Variants in PHLPP2 observed in about 807,000 individuals in gnomAD.
The protein encoded by PHLPP2 is PH domain and leucine rich repeat protein phosphatase 2.
PHLPP2 carries 66 observed loss-of-function variants against 124.9 expected under a neutral mutation model. The observed-to-expected ratio is 0.53, with a 90% CI of 0.43 to 0.65. PHLPP2 has a LOEUF of 0.65. Ranked by LOEUF, PHLPP2 falls within the 30% of genes least tolerant of loss-of-function variation. The pLI, the probability that PHLPP2 is intolerant of heterozygous loss-of-function variation, is 0.00. For synonymous variants in PHLPP2, 681 were observed against 624.7 expected (o/e 1.09, Z -1.34); for missense variants, 1,685 against 1,600.4 (o/e 1.05, Z -0.90).
At chr16:71,654,961 C>CAT (rs1021608120) in intron 17 of PHLPP2, 4 of 339,426 alleles carry the variant, frequency 1.2e-5, no homozygotes, top group African/African-American at 6.1e-5. Context: ...TGTACAACCA[C>CAT]ATATATATAC....
intron 3 of PHLPP2, among the ~76,000 whole-genome samples, chr16:71,692,139 G>A (rs970465213): frequency 1.3e-5 from 2 of 151,714 alleles, no homozygotes; most frequent in Non-Finnish European, 2.9e-5. Context: ...GCGCGATCTC[G>A]GCTCACTGCG....
intron 17 of PHLPP2, among the ~76,000 whole-genome samples, chr16:71,654,047 T>G (rs777379416): frequency 1.3e-5 from 2 of 151,696 alleles, no homozygotes; most frequent in Admixed American, 6.6e-5. Context: ...TACAAAAAAT[T>G]AGCCGGGTGA....
At chr16:71,670,100 G>A (rs988485882) in intron 10 of PHLPP2, among the ~76,000 whole-genome samples, 3 of 152,170 alleles carry the variant, frequency 2.0e-5, no homozygotes, top group South Asian at 2.1e-4. Flanking sequence ...TTGTACAAAG[G>A]CCTGAGGTGA....
At position 71,658,726 on chromosome 16, in the gene PHLPP2, CT is replaced by C. The variant is rs2044762692; in HGVS notation, c.2074del (p.Arg692GlyfsTer27). ...TIPTTIANCK[R>X]LHTLVAHSNN... ...GGAGTGTGCAACAAGGGTGTGCAGCCTTTTACAGTTTGCTATGGTTGTGGGA... is the reference window on the plus strand; with the variant it reads ...GGAGTGTGCAACAAGGGTGTGCAGCCTTTACAGTTTGCTATGGTTGTGGGA... On this transcript the variant is annotated frameshift_variant, in exon 14 of 19. Transcript: ENST00000568954. LOFTEE classifies it high-confidence loss of function. 4.3e-6 allele frequency: 7 copies of C among 1,614,136 alleles called. No homozygotes were observed. The highest frequency in any genetic ancestry group is 5.9e-6 in the Non-Finnish European group (7 of 1,180,024).
chr16:71,702,215 C>T (rs1214449380), intron 3 of PHLPP2, among the ~76,000 whole-genome samples: 4 of 152,042 alleles, frequency 2.6e-5, no homozygotes, highest in African/African-American at 4.8e-5. Flanking sequence ...TACTCATCAA[C>T]GTCAAGTCAT....
intron 1 of PHLPP2, among the ~76,000 whole-genome samples, chr16:71,721,738 G>C (rs1342526639): frequency 2.6e-5 from 4 of 151,498 alleles, no homozygotes; most frequent in Non-Finnish European, 5.9e-5. Flanking sequence ...TCTATAAGCT[G>C]AGTAAAAAAG....
chr16:71,703,090 C>T (rs1413035163), intron 2 of PHLPP2, among the ~76,000 whole-genome samples: 1 of 152,174 alleles, frequency 6.6e-6, no homozygotes, highest in African/African-American at 2.4e-5. Context: ...CCAGGTCCAT[C>T]CATGTTGCTA....
chr16:71,697,196 AAATAAATAAATAAATAAAT>A (rs993305454), intron 3 of PHLPP2, among the ~76,000 whole-genome samples: 7 of 40,748 alleles, frequency 1.7e-4, no homozygotes, highest in African/African-American at 3.6e-4. Context: ...ATAAATAAAT[AAATAAATAAATAAATAAAT>A]AAAAAGAAAC....
At chr16:71,697,630 C>G (rs2045186305) in intron 3 of PHLPP2, among the ~76,000 whole-genome samples, 1 of 152,158 alleles carries the variant, frequency 6.6e-6, no homozygotes, top group Admixed American at 6.5e-5. Context: ...TGTATTTATG[C>G]TCTTTTGACA....
At chr16:71,667,696 C>T (rs2044851480) in intron 11 of PHLPP2, among the ~76,000 whole-genome samples, 1 of 152,202 alleles carries the variant, frequency 6.6e-6, no homozygotes, top group South Asian at 2.1e-4. Context: ...CATAACATTT[C>T]ATTACAATAA....
chr16:71,668,372 C>T (rs1054360109), intron 11 of PHLPP2, among the ~76,000 whole-genome samples: 2 of 138,570 alleles, frequency 1.4e-5, no homozygotes, highest in Non-Finnish European at 3.1e-5. Context: ...GCCGAGATCG[C>T]GCCACTGCAC....
intron 9 of PHLPP2, among the ~76,000 whole-genome samples, chr16:71,674,007 A>G (rs1266662006): frequency 6.6e-6 from 1 of 152,218 alleles, no homozygotes; most frequent in African/African-American, 2.4e-5. Context: ...TAAAGAGCAT[A>G]AAATAATGAA....
intron 2 of PHLPP2, among the ~76,000 whole-genome samples, chr16:71,704,529 A>C (rs1196515229): frequency 1.3e-5 from 2 of 152,072 alleles, no homozygotes; most frequent in African/African-American, 4.8e-5. Context: ...TGATGTACAA[A>C]AAAGACAAAA....
At chr16:71,723,776 AC>A in intron 1 of PHLPP2, 1 of 1,331,558 alleles carries the variant, frequency 7.5e-7, no homozygotes. Context: ...CACCTTCAGG[AC>A]CCGGATCCCT....
chr16:71,685,395 CT>C (rs1429545980), intron 4 of PHLPP2, among the ~76,000 whole-genome samples: 2 of 152,156 alleles, frequency 1.3e-5, no homozygotes, highest in African/African-American at 4.8e-5. Context: ...AGGAAGCAGT[CT>C]TTTTATAGTC....
At chr16:71,661,392 A>T (rs994347507) in intron 13 of PHLPP2, among the ~76,000 whole-genome samples, 1 of 151,784 alleles carries the variant, frequency 6.6e-6, no homozygotes, top group African/African-American at 2.4e-5. Flanking sequence ...TTTATTACTA[A>T]CTTCTTATTT....
chr16:71,722,205 G>T (rs924552757), intron 1 of PHLPP2, among the ~76,000 whole-genome samples: 1 of 152,154 alleles, frequency 6.6e-6, no homozygotes, highest in African/African-American at 2.4e-5. Flanking sequence ...GCCAAGGCGG[G>T]CGGATCACTG....
intron 9 of PHLPP2, among the ~76,000 whole-genome samples, chr16:71,676,006 C>T (rs1366930925): frequency 1.3e-5 from 2 of 152,054 alleles, no homozygotes; most frequent in Admixed American, 1.3e-4. Context: ...CAGGCATGAG[C>T]CCCCATGATT....
chr16:71,670,751 G>A (rs1022078303), intron 10 of PHLPP2, among the ~76,000 whole-genome samples: 4 of 138,478 alleles, frequency 2.9e-5, no homozygotes, highest in African/African-American at 5.9e-5. Flanking sequence ...GGGGAGAGAG[G>A]AGGACAATAA....
Sources: allele counts gnomAD v4.1 joint callset (sites outside exome capture counted in the v4.1 genomes callset), GRCh38; gene constraint gnomAD v4.1.1; transcripts MANE v1.5; gene names NCBI Gene and HGNC (gene_info 2026-07-23, HGNC 2026-07-21).